Variants in ERC2 observed in about 807,000 individuals in gnomAD.
The protein encoded by ERC2 is ELKS/RAB6-interacting/CAST family member 2, also known as ERC protein 2.
ERC2 carries 42 observed loss-of-function variants against 114.8 expected under a neutral mutation model. That is an observed-to-expected ratio of 0.37 (90% confidence interval 0.29 to 0.47). The LOEUF (loss-of-function observed/expected upper bound fraction) is 0.47, where lower values mean the gene tolerates loss of function less well. Among genes scored for constraint, ERC2 ranks in the 20% least tolerant of loss-of-function variants. The probability of loss-of-function intolerance (pLI) is 0.99; values close to 1 mark genes in which losing one functional copy is unlikely to be tolerated. For missense variants in ERC2, 939 were observed against 1,150.7 expected, an observed-to-expected ratio of 0.82 and a Z score of 2.66; for synonymous variants, 454 against 425.5, an observed-to-expected ratio of 1.07 and a Z score of -0.82.
chr3:55,913,431 T>C (rs975341897), intron 13 of ERC2, among the ~76,000 whole-genome samples: 4 of 152,140 alleles, frequency 2.6e-5, no homozygotes, highest in South Asian at 4.1e-4. Flanking sequence ...TACTTGCTGG[T>C]TCGAAGGACA....
intron 14 of ERC2, among the ~76,000 whole-genome samples, chr3:55,887,624 T>C (rs1365881132): frequency 6.6e-6 from 1 of 152,266 alleles, no homozygotes; most frequent in Non-Finnish European, 1.5e-5. Flanking sequence ...TGATATTTAT[T>C]AAAATTTCTC....
intron 14 of ERC2, among the ~76,000 whole-genome samples, chr3:55,887,923 C>T (rs192793020): frequency 1.3e-5 from 2 of 152,248 alleles, no homozygotes; most frequent in Admixed American, 6.5e-5. Flanking sequence ...GAGGTGCCAA[C>T]CTTGAGACTC....
intron 14 of ERC2, among the ~76,000 whole-genome samples, chr3:55,850,139 C>T (rs575189998): frequency 7.0e-4 from 107 of 152,306 alleles, no homozygotes; most frequent in South Asian, 1.5e-3. Context: ...CAACTTCATG[C>T]GAACTTCTGG....
intron 2 of ERC2, among the ~76,000 whole-genome samples, chr3:56,343,190 T>TCACACACA (rs1181595660): frequency 0.026 from 2,819 of 109,960 alleles, 27 homozygotes; most frequent in Middle Eastern, 0.041. Context: ...TCTCTCTCTC[T>TCACACACA]CTCACACACA....
intron 7 of ERC2, among the ~76,000 whole-genome samples, chr3:56,031,000 C>T (rs182687957): frequency 1.3e-3 from 202 of 152,274 alleles, no homozygotes; most frequent in African/African-American, 4.2e-3. Context: ...CAGGCTGGCC[C>T]CTGAGCAGTC....
Position 56,228,175 on chromosome 3 carries a change from A to T in ERC2, c.1075-54655T>A, listed in dbSNP as rs999625246. Among the ~76,000 whole-genome samples the T allele has an allele frequency of 7.9e-5, 12 of 152,066 alleles. No homozygotes were observed. The South Asian group carries it at 2.1e-3, about 26-fold the overall frequency. On this transcript the variant is annotated intron_variant, in intron 3 of 17. Transcript: ENST00000288221. ...CTGAGTGGTGATGATATAAATGTAAATTTTTTTATTCGTCATTTCTAACTG... is the reference window on the plus strand; with the variant it reads ...CTGAGTGGTGATGATATAAATGTAATTTTTTTTATTCGTCATTTCTAACTG...
chr3:55,750,731 T>C (rs1352710678), intron 14 of ERC2, among the ~76,000 whole-genome samples: 5 of 152,218 alleles, frequency 3.3e-5, no homozygotes, highest in African/African-American at 1.2e-4. Flanking sequence ...GATGCTAGAA[T>C]ACCACCACCA....
intron 3 of ERC2, among the ~76,000 whole-genome samples, chr3:56,227,227 T>C (rs569651296): frequency 6.6e-6 from 1 of 152,208 alleles, no homozygotes; most frequent in African/African-American, 2.4e-5. Flanking sequence ...AGATCTGTTT[T>C]CATAAAACCA....
At chr3:56,154,162 A>G (rs1282297656) in intron 4 of ERC2, among the ~76,000 whole-genome samples, 2 of 152,126 alleles carry the variant, frequency 1.3e-5, no homozygotes, top group African/African-American at 4.8e-5. Flanking sequence ...GGAAGGATTT[A>G]CTGTGTGGGA....
chr3:55,656,386 G>C (rs552062327), intron 17 of ERC2, among the ~76,000 whole-genome samples: 1 of 152,058 alleles, frequency 6.6e-6, no homozygotes, highest in Non-Finnish European at 1.5e-5. Flanking sequence ...TTGAACTCCT[G>C]GCTCAAGTAA....
At chr3:55,577,073 T>C (rs1443188677) in intron 17 of ERC2, among the ~76,000 whole-genome samples, 1 of 152,216 alleles carries the variant, frequency 6.6e-6, no homozygotes, top group African/African-American at 2.4e-5. Context: ...CCCAGAGGCC[T>C]GCGATCAGCC....
intron 17 of ERC2, among the ~76,000 whole-genome samples, chr3:55,580,280 T>C (rs2057194728): frequency 6.6e-6 from 1 of 151,928 alleles, no homozygotes. Context: ...TGAGTTCAAT[T>C]TGGGGAGGGG....
At chr3:56,158,808 G>GTT (rs11440217) in intron 4 of ERC2, among the ~76,000 whole-genome samples, 2,821 of 150,142 alleles carry the variant, frequency 0.019, 46 homozygotes, top group East Asian at 0.048. Flanking sequence ...TAACAAACTT[G>GTT]TTTTTTTTCA....
chr3:56,062,340 T>C (rs928984174), intron 7 of ERC2, among the ~76,000 whole-genome samples: 1 of 152,140 alleles, frequency 6.6e-6, no homozygotes, highest in African/African-American at 2.4e-5. Context: ...TGGTGTGAAT[T>C]TTCTGTGGGG....
intron 17 of ERC2, among the ~76,000 whole-genome samples, chr3:55,524,771 G>T (rs948243870): frequency 1.3e-5 from 2 of 152,016 alleles, no homozygotes; most frequent in South Asian, 4.2e-4. Flanking sequence ...GCTTGTTTTG[G>T]CTAAACACAA....
At chr3:55,901,413 TCC>T (rs1222802811) in intron 13 of ERC2, among the ~76,000 whole-genome samples, 1 of 152,160 alleles carries the variant, frequency 6.6e-6, no homozygotes, top group Non-Finnish European at 1.5e-5. Flanking sequence ...AGGGTCCTCT[TCC>T]AAGCTCATGG....
intron 7 of ERC2, among the ~76,000 whole-genome samples, chr3:56,028,216 T>C (rs988749457): frequency 6.6e-6 from 1 of 152,162 alleles, no homozygotes; most frequent in Non-Finnish European, 1.5e-5. Flanking sequence ...ATAGTAAGGC[T>C]TAATATTAGT....
At chr3:55,839,169 G>A (rs1201272893) in intron 14 of ERC2, among the ~76,000 whole-genome samples, 1 of 151,732 alleles carries the variant, frequency 6.6e-6, no homozygotes, top group African/African-American at 2.4e-5. Context: ...TTACAACACA[G>A]TGGAGCAACA....
intron 7 of ERC2, among the ~76,000 whole-genome samples, chr3:56,023,453 G>C (rs547215137): frequency 1.3e-5 from 2 of 151,926 alleles, no homozygotes; most frequent in African/African-American, 4.8e-5. Context: ...CCCTATCTTT[G>C]CCTATCTATT....
Sources: gnomAD v4.1 joint callset for allele counts (sites outside exome capture counted in the v4.1 genomes callset) on GRCh38, gnomAD v4.1.1 for gene constraint, MANE v1.5 for transcripts, NCBI Gene and HGNC (gene_info 2026-07-23, HGNC 2026-07-21) for gene names.